The following PCDHB13 variants were observed in gnomAD, a reference collection of about 807,000 sequenced individuals.
The protein encoded by PCDHB13 is protocadherin beta-13.
For missense variants in PCDHB13, 1,065 were observed against 1,016.7 expected (o/e 1.05, Z -0.65); for synonymous variants, 515 against 450.7 (o/e 1.14, Z -1.81).
In PCDHB13 at chr5:141,218,701, A is replaced by G. The variant is rs1754667961; in HGVS notation, c.*2181A>G. On this transcript the variant is annotated 3_prime_UTR_variant, in exon 1 of 1. Transcript: ENST00000341948. ...GAGTGCAGTGGCGCGATCTCGGCTC[A>G]CTGCAAGCTCCGCCTCCTGGGTTCC... 6.4e-6 allele frequency: 1 copy of G among 155,844 alleles called. No homozygotes were observed. The highest frequency in any genetic ancestry group is 2.4e-5 in the African/African-American group (1 of 41,352). The allele number at this position is 155,844 out of a possible 1,614,324, so 9.7% of individuals were successfully genotyped here.
Position 141,215,581 on chromosome 5 carries a change from C to A in PCDHB13, c.1458C>A (p.Val486=), listed in dbSNP as rs782178378. 2.5e-6 allele frequency: 4 copies of A among 1,613,408 alleles called. No individual in the cohort carries two copies. The highest frequency in any genetic ancestry group is 1.8e-4 in the Middle Eastern group (1 of 5,564). Residue 486 remains valine (V), a synonymous_variant, in exon 1 of 1, where the codon GTC becomes GTA. Transcript: ENST00000341948. ...TDRDSGTNAQ[V]TYSLLPPQDP... ...GAGACTCAGGCACCAACGCCCAGGTCACCTACTCGCTGCTGCCGCCCCAGG... is the reference window on the plus strand; with the variant it reads ...GAGACTCAGGCACCAACGCCCAGGTAACCTACTCGCTGCTGCCGCCCCAGG...
chr5:141,215,699 G>T lies in PCDHB13; in HGVS notation c.1576G>T (p.Gly526Trp). The stretch of plus-strand genomic sequence containing the variant: ...GTCTCTGGACTACGAGGCCCTGCAG[G>T]GGTTCCAGTTCCGCGTGGGCGCTTC... ...LRSLDYEALQ[G>W]FQFRVGASDH... is the part of the protein sequence containing the mutation. Residue 526 changes from glycine (G) to tryptophan (W), a missense_variant, in exon 1 of 1, where the codon GGG becomes TGG. Physicochemically the swap from Gly to Trp is radical, Grantham distance 184 (BLOSUM62 -2). Coordinates refer to ENST00000341948, the MANE Select transcript of PCDHB13 (RefSeq NM_018933.4). The T allele has an allele frequency of 6.2e-7, 1 of 1,612,908 alleles. No individual in the cohort carries two copies. Among genetic ancestry groups the T allele is most frequent in the South Asian group, 1.1e-5 (1 of 91,020 alleles).
At position 141,216,811 on chromosome 5, in the gene PCDHB13, A is replaced by G; in HGVS notation, c.*291A>G. ...CCCTATCTTTAGCTGAACTTCACCC[A>G]CTATTATGCTTATGGTAAAATTAAA... On this transcript the variant is annotated 3_prime_UTR_variant, in exon 1 of 1. Transcript: ENST00000341948. The G allele has an allele frequency of 2.3e-6, 1 of 441,352 alleles. No homozygotes were observed. Among genetic ancestry groups the G allele is most frequent in the East Asian group, 5.2e-5 (1 of 19,352 alleles). The allele number at this position is 441,352 out of a possible 1,614,324, so 27.3% of individuals were successfully genotyped here.
chr5:141,216,573 C>G lies in PCDHB13; in HGVS notation c.*53C>G. 7.1e-7 allele frequency: 1 copy of G among 1,414,016 alleles called. No homozygotes were observed. The allele number at this position is 1,414,016 out of a possible 1,614,324, so 87.6% of individuals were successfully genotyped here. On this transcript the variant is annotated 3_prime_UTR_variant, in exon 1 of 1. Coordinates refer to ENST00000341948, the MANE Select transcript of PCDHB13 (RefSeq NM_018933.4). ...TATTTTATTTTGTGGCATTTCCATG[C>G]CAATGTTTATTTCCCCCAATTTGTG... is the stretch of plus-strand genomic sequence containing the variant.
chr5:141,215,294 C>T lies in PCDHB13; in HGVS notation c.1171C>T (p.Pro391Ser). The change falls in exon 1 of 1, where the codon CCC becomes TCC. Residue 391 changes from proline to serine, a missense_variant. Transcript: ENST00000341948. ...KISCSIQEDL[P>S]FLLKSAENFY... Reference sequence around the variant, plus strand: ...TAGTTGCTCCATTCAGGAGGATCTACCCTTCCTCCTGAAATCCGCGGAAAA... The same window carrying T: ...TAGTTGCTCCATTCAGGAGGATCTATCCTTCCTCCTGAAATCCGCGGAAAA... 6.2e-7 allele frequency: 1 copy of T among 1,614,054 alleles called. No individual in the cohort carries two copies.
In PCDHB13 at chr5:141,215,087, G is replaced by C. The variant is rs782806642; in HGVS notation, c.964G>C (p.Ala322Pro). 8.7e-6 allele frequency: 14 copies of C among 1,614,024 alleles called. No individual in the cohort carries two copies. The highest frequency in any genetic ancestry group is 1.1e-5 in the Non-Finnish European group (13 of 1,180,040). ...TCAGTCCTATGAAGTCAATATTGAG[G>C]CAAGAGATGCTGGAACCTTTTCTGG... The part of the protein sequence containing the change: ...KLQSYEVNIE[A>P]RDAGTFSGKC... Residue 322 changes from alanine to proline, a missense_variant, in exon 1 of 1, where the codon GCA (alanine) becomes CCA (proline). By Grantham distance (27) the Ala-to-Pro change is conservative. Transcript: ENST00000341948.
In PCDHB13 at chr5:141,215,632, G is replaced by A; in HGVS notation, c.1509G>A (p.Leu503=). Residue 503 remains leucine (L), a synonymous_variant, in exon 1 of 1, where the codon CTG becomes CTA. Coordinates refer to ENST00000341948, the MANE Select transcript of PCDHB13 (RefSeq NM_018933.4). ...ACCCGCACCTGCCCCTCACATCCCT[G>A]GTCTCCATCAACGCGGACAACGGCC... ...PQDPHLPLTS[L]VSINADNGHL... 6.2e-7 allele frequency: 1 copy of A among 1,613,474 alleles called. No homozygotes were observed. The highest frequency in any genetic ancestry group is 8.5e-7 in the Non-Finnish European group (1 of 1,180,012).
In PCDHB13 at chr5:141,216,028, G is replaced by C; in HGVS notation, c.1905G>C (p.Ala635=). 1 of 1,607,036 alleles carries C rather than the reference G, an allele frequency of 6.2e-7. No individual in the cohort carries two copies. The highest frequency in any genetic ancestry group is 8.5e-7 in the Non-Finnish European group (1 of 1,179,548). Residue 635 remains alanine (A), a synonymous_variant, in exon 1 of 1, where the codon GCG becomes GCC. Transcript: ENST00000341948. ...CCAGGCTGCTGAGCGAGCGCGACGC[G>C]GCCAAGCACAGGCTGGTGGTGCTGG... ...RTARLLSERD[A]AKHRLVVLVK... is the part of the protein sequence containing the mutation.
At position 141,214,722 on chromosome 5, in the gene PCDHB13, C is replaced by A. The variant is rs781954350; in HGVS notation, c.599C>A (p.Ala200Glu). ...TACCCAGAGCTGGTGCTGGACAAAG[C>A]GCTGGACCGAGAGGAAGAAGCTGAG... is the stretch of plus-strand genomic sequence containing the variant. ...RKYPELVLDK[A>E]LDREEEAELR... Residue 200 changes from alanine to glutamate, a missense_variant, in exon 1 of 1, where the codon GCG becomes GAG. Ala to Glu is a moderately radical substitution (Grantham distance 107). Coordinates refer to ENST00000341948, the MANE Select transcript of PCDHB13 (RefSeq NM_018933.4). 2 of 1,613,988 alleles carry A rather than the reference C, an allele frequency of 1.2e-6. No individual in the cohort carries two copies. The highest frequency in any genetic ancestry group is 2.2e-5 in the East Asian group (1 of 44,890).
Position 141,215,258 on chromosome 5 carries a change from A to C in PCDHB13, c.1135A>C (p.Asn379His), listed in dbSNP as rs369391697. 13 of 1,614,092 alleles carry C rather than the reference A, an allele frequency of 8.1e-6. No homozygotes were observed. In the East Asian group the frequency reaches 1.1e-4, roughly 14 times the overall value. ...TGTTTCAGATCTTGATTCAGGAGAA[A>C]ATGGGAAAATTAGTTGCTCCATTCA... is the stretch of plus-strand genomic sequence containing the variant. ...FSVSDLDSGENGKISCSIQED... is the reference protein window; with the variant it reads ...FSVSDLDSGEHGKISCSIQED... Residue 379 changes from asparagine (N) to histidine (H), a missense_variant, in exon 1 of 1, where the codon AAT becomes CAT. Asn to His is a moderately conservative substitution (Grantham distance 68). Transcript: ENST00000341948.
At position 141,215,428 on chromosome 5, in the gene PCDHB13, C is replaced by G; in HGVS notation, c.1305C>G (p.Leu435=). ...DLGTPMLITQ[L]NMTVLIADVN... The stretch of plus-strand genomic sequence containing the variant: ...GGACCCCTATGCTGATAACACAGCT[C>G]AATATGACCGTGCTGATCGCCGATG... The change falls in exon 1 of 1, where the codon CTC becomes CTG. Residue 435 remains leucine, a synonymous_variant. Coordinates refer to ENST00000341948, the MANE Select transcript of PCDHB13 (RefSeq NM_018933.4). 5 of 1,614,168 alleles carry G rather than the reference C, an allele frequency of 3.1e-6. No individual in the cohort carries two copies. Among genetic ancestry groups the G allele is most frequent in the Non-Finnish European group, 4.2e-6 (5 of 1,180,032 alleles).
Position 141,216,343 on chromosome 5 carries a change from C to A in PCDHB13, c.2220C>A (p.Ser740Arg), listed in dbSNP as rs141051000. Residue 740 changes from serine (S) to arginine (R), a missense_variant, in exon 1 of 1, where the codon AGC (serine) becomes AGA (arginine). Coordinates refer to ENST00000341948, the MANE Select transcript of PCDHB13 (RefSeq NM_018933.4). ...GPLPGHLVDM[S>R]GTRTLSQSYQ... is the part of the protein sequence containing the mutation. ...TTCCAGGGCATCTTGTGGACATGAG[C>A]GGCACCAGGACCCTATCCCAGAGCT... The A allele has an allele frequency of 3.7e-6, 6 of 1,614,000 alleles. No individual in the cohort carries two copies. In the African/African-American group the frequency reaches 6.7e-5, roughly 18 times the overall value.
rs1554288342 is a variant in PCDHB13 at position 141,217,751 on chromosome 5, A to T, written c.*1231A>T. 1 of 167,052 alleles carries T rather than the reference A, an allele frequency of 6.0e-6. No individual in the cohort carries two copies. Among genetic ancestry groups the T allele is most frequent in the Non-Finnish European group, 1.5e-5 (1 of 68,126 alleles). The allele number at this position is 167,052 out of a possible 1,614,324, so 10.3% of individuals were successfully genotyped here. A position where few individuals can be genotyped will look rare whatever the true frequency, so the allele number is the denominator to read the frequency against. On this transcript the variant is annotated 3_prime_UTR_variant, in exon 1 of 1. Transcript: ENST00000341948. The stretch of plus-strand genomic sequence containing the variant: ...TCAAGGTTGGAGGAGGAGATTTTCC[A>T]TGACTTTTATCAAAGTCTACAGTCT...
In PCDHB13 at chr5:141,216,177, T is replaced by C. The variant is rs144813612; in HGVS notation, c.2054T>C (p.Leu685Ser). ...EAAPTQAQADLLTVYLVVALA... is the reference protein window; with the variant it reads ...EAAPTQAQADSLTVYLVVALA... Reference sequence around the variant, plus strand: ...GCCCCGACCCAGGCCCAGGCCGACTTGCTCACCGTCTACCTGGTGGTGGCG... The same window carrying C: ...GCCCCGACCCAGGCCCAGGCCGACTCGCTCACCGTCTACCTGGTGGTGGCG... Residue 685 changes from leucine (L) to serine (S), a missense_variant, in exon 1 of 1, where the codon TTG becomes TCG. Physicochemically the swap from Leu to Ser is moderately radical, Grantham distance 145. Transcript: ENST00000341948. 634 of 1,612,410 alleles carry C rather than the reference T, an allele frequency of 3.9e-4. No homozygotes were observed. The highest frequency in any genetic ancestry group is 1.0e-3 in the African/African-American group (76 of 75,034).
Position 141,216,211 on chromosome 5 carries a change from G to A in PCDHB13, c.2088G>A (p.Ser696=), listed in dbSNP as rs782792269. 16 of 1,612,674 alleles carry A rather than the reference G, an allele frequency of 9.9e-6. No individual in the cohort carries two copies. Among genetic ancestry groups the A allele is most frequent in the African/African-American group, 1.3e-5 (1 of 75,020 alleles). Residue 696 remains serine (S), a synonymous_variant, in exon 1 of 1, where the codon TCG becomes TCA. Coordinates refer to ENST00000341948, the MANE Select transcript of PCDHB13 (RefSeq NM_018933.4). ...TCTACCTGGTGGTGGCGTTGGCCTC[G>A]GTGTCTTCGCTCTTCCTCTTTTCGG... is the stretch of plus-strand genomic sequence containing the variant. ...LTVYLVVALA[S]VSSLFLFSVL...
Position 141,215,772 on chromosome 5 carries a change from T to C in PCDHB13, c.1649T>C (p.Val550Ala). ...ALSSEALVRV[V>A]VLDANDNSPF... ...AGCAGCGAGGCGCTGGTGCGCGTGG[T>C]GGTGCTGGACGCCAACGACAACTCG... Residue 550 changes from valine (V) to alanine (A), a missense_variant, in exon 1 of 1, where the codon GTG becomes GCG. Coordinates refer to ENST00000341948, the MANE Select transcript of PCDHB13 (RefSeq NM_018933.4). 2 of 1,611,708 alleles carry C rather than the reference T, an allele frequency of 1.2e-6. No individual in the cohort carries two copies. The highest frequency in any genetic ancestry group is 1.7e-6 in the Non-Finnish European group (2 of 1,179,682).
In PCDHB13 at chr5:141,215,105, T is replaced by G; in HGVS notation, c.982T>G (p.Phe328Val). 1.2e-6 allele frequency: 2 copies of G among 1,614,178 alleles called. No homozygotes were observed. Among genetic ancestry groups the G allele is most frequent in the Non-Finnish European group, 1.7e-6 (2 of 1,180,040 alleles). ...VNIEARDAGT[F>V]SGKCTVLIQV... The stretch of plus-strand genomic sequence containing the variant: ...TATTGAGGCAAGAGATGCTGGAACC[T>G]TTTCTGGAAAATGCACCGTTCTGAT... The change falls in exon 1 of 1, where the codon TTT becomes GTT. Residue 328 changes from phenylalanine to valine, a missense_variant. By Grantham distance (50) the Phe-to-Val change is conservative. Coordinates refer to ENST00000341948, the MANE Select transcript of PCDHB13 (RefSeq NM_018933.4).
chr5:141,215,776 G>A lies in PCDHB13; in HGVS notation c.1653G>A (p.Val551=). The A allele has an allele frequency of 6.2e-7, 1 of 1,611,794 alleles. No individual in the cohort carries two copies. Among genetic ancestry groups the A allele is most frequent in the South Asian group, 1.1e-5 (1 of 90,976 alleles). ...GCGAGGCGCTGGTGCGCGTGGTGGT[G>A]CTGGACGCCAACGACAACTCGCCCT... The part of the protein sequence containing the change: ...LSSEALVRVV[V]LDANDNSPFV... Residue 551 remains valine (V), a synonymous_variant, in exon 1 of 1, where the codon GTG becomes GTA. Transcript: ENST00000341948.
chr5:141,215,421 C>T lies in PCDHB13; in HGVS notation c.1298C>T (p.Thr433Ile). Residue 433 changes from threonine to isoleucine, a missense_variant, in exon 1 of 1, where the codon ACA becomes ATA. By Grantham distance (89) the Thr-to-Ile change is moderately conservative. Coordinates refer to ENST00000341948, the MANE Select transcript of PCDHB13 (RefSeq NM_018933.4). Reference sequence around the variant, plus strand: ...GACTTGGGGACCCCTATGCTGATAACACAGCTCAATATGACCGTGCTGATC... The same window carrying T: ...GACTTGGGGACCCCTATGCTGATAATACAGCTCAATATGACCGTGCTGATC... ...VTDLGTPMLI[T>I]QLNMTVLIAD... 1 of 1,614,184 alleles carries T rather than the reference C, an allele frequency of 6.2e-7. No individual in the cohort carries two copies. Among genetic ancestry groups the T allele is most frequent in the Non-Finnish European group, 8.5e-7 (1 of 1,180,042 alleles).
Sources: allele counts gnomAD v4.1 joint callset, GRCh38; gene constraint gnomAD v4.1.1; transcripts MANE v1.5; gene names NCBI Gene and HGNC (gene_info 2026-07-23, HGNC 2026-07-21).